The following PRDM16 variants were observed in gnomAD, a reference collection of about 807,000 sequenced individuals.
PRDM16 encodes the protein histone-lysine N-methyltransferase PRDM16.
Under a neutral mutation model 110.6 loss-of-function variants are expected in PRDM16, and 23 were observed. That is an observed-to-expected ratio of 0.21 (90% CI 0.15 to 0.29). The LOEUF is 0.29. Ranked by LOEUF, PRDM16 falls within the 10% of genes least tolerant of loss-of-function variation. The pLI, the probability that PRDM16 is intolerant of heterozygous loss-of-function variation, is 1.00. For missense variants in PRDM16, 1,615 were observed against 1,794.3 expected, an observed-to-expected ratio of 0.90 and a Z score of 1.81; for synonymous variants, 799 against 781.8, an observed-to-expected ratio of 1.02 and a Z score of -0.37.
chr1:3,347,005 C>T (rs1375036719), intron 3 of PRDM16, among the ~76,000 whole-genome samples: 5 of 152,194 alleles, frequency 3.3e-5, no homozygotes, highest in African/African-American at 7.2e-5. Flanking sequence ...TCCAGAAGTG[C>T]GCAGCACTCA....
chr1:3,352,312 C>T (rs756690448), intron 3 of PRDM16, among the ~76,000 whole-genome samples: 3 of 152,192 alleles, frequency 2.0e-5, no homozygotes, highest in Non-Finnish European at 4.4e-5. Flanking sequence ...ACCCCTCCCA[C>T]GACTTCCCAC....
intron 3 of PRDM16, among the ~76,000 whole-genome samples, chr1:3,297,140 C>T (rs1353053849): frequency 2.0e-5 from 3 of 152,184 alleles, no homozygotes; most frequent in South Asian, 2.1e-4. Context: ...GCGGTCAGCC[C>T]TTGTCCTCTG....
rs1106506 is a variant in PRDM16, at chr1:3,193,728, T to C, written c.387+7254T>C. On this transcript the variant is annotated intron_variant, in intron 2 of 16. Coordinates refer to ENST00000270722, the MANE Select transcript of PRDM16 (RefSeq NM_022114.4). ...ATGCATAGGAAAATGTAAGAGTGAG[T>C]GCCCCTCCCACATGTCGGTCTGTAC... is the stretch of plus-strand genomic sequence containing the variant. Among the ~76,000 whole-genome samples the C allele has an allele frequency of 1.4e-3, 214 of 152,116 alleles. 1 individual carries two copies. Among genetic ancestry groups the C allele is most frequent in the African/African-American group, 4.8e-3 (201 of 41,490 alleles).
At chr1:3,280,043 G>A (rs1640679416) in intron 3 of PRDM16, among the ~76,000 whole-genome samples, 2 of 149,526 alleles carry the variant, frequency 1.3e-5, no homozygotes, top group African/African-American at 2.5e-5. Flanking sequence ...TGTAAAACAA[G>A]CAGGGTGAAA....
intron 3 of PRDM16, among the ~76,000 whole-genome samples, chr1:3,320,379 TGTGA>T (rs1641713059): frequency 6.6e-6 from 1 of 152,134 alleles, no homozygotes; most frequent in African/African-American, 2.4e-5. Context: ...TGCAGGTGTA[TGTGA>T]GTGAGAATGT....
At chr1:3,268,840 A>G (rs550710678) in intron 3 of PRDM16, among the ~76,000 whole-genome samples, 1 of 152,288 alleles carries the variant, frequency 6.6e-6, no homozygotes, top group South Asian at 2.1e-4. Flanking sequence ...AGCCTGCCCC[A>G]CCGCATGCCT....
intron 3 of PRDM16, among the ~76,000 whole-genome samples, chr1:3,348,627 C>T (rs1412942310): frequency 6.6e-6 from 1 of 152,282 alleles, no homozygotes; most frequent in Non-Finnish European, 1.5e-5. Flanking sequence ...GAGCTTTGAA[C>T]TCACAGTGCC....
intron 3 of PRDM16, among the ~76,000 whole-genome samples, chr1:3,327,687 G>A (rs994464168): frequency 5.9e-5 from 9 of 152,080 alleles, no homozygotes; most frequent in African/African-American, 1.9e-4. Context: ...GATGGCGTGC[G>A]GGTACTAGAG....
chr1:3,350,719 G>T lies in PRDM16; in HGVS notation c.439-34433G>T, dbSNP rs773405184. Among the ~76,000 whole-genome samples, 5 of 152,152 alleles carry T rather than the reference G, an allele frequency of 3.3e-5. No homozygotes were observed. The highest frequency in any genetic ancestry group is 5.9e-5 in the Non-Finnish European group (4 of 68,018). On this transcript the variant is annotated intron_variant, in intron 3 of 16. Transcript: ENST00000270722. This position sits in a 1 kb window ranked among gnomAD's most constrained non-coding sequence, Gnocchi z 7.1. ...TGCAGCCTCCCAGATGGCCGGGCCGGGCTGGTTCCTCCCTCCCAGGACAAG... is the reference window on the plus strand; with the variant it reads ...TGCAGCCTCCCAGATGGCCGGGCCGTGCTGGTTCCTCCCTCCCAGGACAAG...
chr1:3,371,220 TC>T (rs1642901311), intron 3 of PRDM16, among the ~76,000 whole-genome samples: 1 of 92,362 alleles, frequency 1.1e-5, no homozygotes, highest in African/African-American at 4.1e-5. Context: ...CACCCACCCA[TC>T]CACCCATCCA....
intron 1 of PRDM16, among the ~76,000 whole-genome samples, chr1:3,084,256 C>G (rs936743191): frequency 6.6e-6 from 1 of 152,142 alleles, no homozygotes; most frequent in East Asian, 1.9e-4. Context: ...TGGGCTGGAG[C>G]CCCCTGGATC....
intron 2 of PRDM16, among the ~76,000 whole-genome samples, chr1:3,187,224 C>A (rs1441792856): frequency 6.6e-6 from 1 of 152,178 alleles, no homozygotes; most frequent in African/African-American, 2.4e-5. Flanking sequence ...CACCCCCCCA[C>A]AAAAAGTGCA....
At chr1:3,231,152 C>T (rs555462240) in intron 2 of PRDM16, among the ~76,000 whole-genome samples, 12 of 152,282 alleles carry the variant, frequency 7.9e-5, no homozygotes, top group African/African-American at 2.6e-4. Flanking sequence ...GTGTGACCTC[C>T]GTCCCATACA....
rs116570256 is a variant in PRDM16 at position 3,212,026 on chromosome 1, C to T, written c.387+25552C>T. On this transcript the variant is annotated intron_variant, in intron 2 of 16. Transcript: ENST00000270722. ...CGAGTTCTCCGGGTGGATTAATCCT[C>T]GCGTCGTCTTTGGGCCGTCAGTTTG... is the stretch of plus-strand genomic sequence containing the variant. Among the ~76,000 whole-genome samples the T allele has an allele frequency of 4.0e-3, 610 of 152,340 alleles. 3 individuals are homozygous for T. Among genetic ancestry groups the T allele is most frequent in the African/African-American group, 0.013 (555 of 41,570 alleles).
chr1:3,396,643 A>G (rs1162861268), intron 5 of PRDM16, 50 bp downstream of exon 5: 9 of 748,562 alleles, frequency 1.2e-5, no homozygotes, highest in Admixed American at 2.5e-5. Flanking sequence ...GCCCCCAGCC[A>G]GCCCGGAAGA....
At chr1:3,168,580 A>G (rs1002455276) in intron 1 of PRDM16, among the ~76,000 whole-genome samples, 1 of 92,630 alleles carries the variant, frequency 1.1e-5, no homozygotes, top group Non-Finnish European at 2.2e-5. Context: ...TTCCCGCCCC[A>G]CCCCCGCCCC....
chr1:3,278,838 C>G (rs909776542), intron 3 of PRDM16, among the ~76,000 whole-genome samples: 17 of 152,352 alleles, frequency 1.1e-4, no homozygotes, highest in Admixed American at 7.8e-4. Flanking sequence ...GGCAGCGGAA[C>G]AAAGCACAAA....
intron 1 of PRDM16, among the ~76,000 whole-genome samples, chr1:3,153,142 C>G (rs1643805605): frequency 6.6e-6 from 1 of 152,224 alleles, no homozygotes; most frequent in Non-Finnish European, 1.5e-5. Flanking sequence ...ACCTGGCCTC[C>G]CTGTTTGGTG....
rs941600639 is a variant in PRDM16, at chr1:3,216,321, G to A, written c.388-27766G>A. On this transcript the variant is annotated intron_variant, in intron 2 of 16. Coordinates refer to ENST00000270722, the MANE Select transcript of PRDM16 (RefSeq NM_022114.4). ...AAGTACAGTGGGTTGTCACAGTGCT[G>A]TCACTCCAGTGACATCCATGCCACG... Among the ~76,000 whole-genome samples the A allele has an allele frequency of 5.3e-5, 8 of 152,256 alleles. No homozygotes were observed. The South Asian group carries it at 8.3e-4, about 16-fold the overall frequency.
Sources: allele counts gnomAD v4.1 joint callset (sites outside exome capture counted in the v4.1 genomes callset), GRCh38; gene constraint gnomAD v4.1.1; non-coding constraint Gnocchi (gnomAD v3.1); transcripts MANE v1.5; gene names NCBI Gene and HGNC (gene_info 2026-07-23, HGNC 2026-07-21).